The following TVP23C variants were observed in gnomAD, a reference collection of about 807,000 sequenced individuals.
TVP23C encodes the protein trans-golgi network vesicle protein 23 homolog C.
Under a neutral mutation model 28.7 loss-of-function variants are expected in TVP23C, and 19 were observed. That is an observed-to-expected ratio of 0.66 (90% CI 0.46 to 0.97). The LOEUF (loss-of-function observed/expected upper bound fraction) is 0.97, where lower values mean the gene tolerates loss of function less well. Among genes scored for constraint, TVP23C ranks in the 50% least tolerant of loss-of-function variants. The pLI is 0.00. For missense variants in TVP23C, 186 were observed against 241.3 expected (o/e 0.77, Z 1.52); for synonymous variants, 68 against 81.7 (o/e 0.83, Z 0.90).
rs538776285 is a variant in TVP23C at position 15,538,883 on chromosome 17, C to T, written c.*1529G>A. ...GGTATATTGGAGCCATGCAAAAATC[C>T]TTCAGAATGAGATGATCATGTCCCT... is the stretch of plus-strand genomic sequence containing the variant. On this transcript the variant is annotated 3_prime_UTR_variant, in exon 6 of 6. Coordinates refer to ENST00000518321, the MANE Select transcript of TVP23C (RefSeq NM_001135036.2). 1.1e-4 allele frequency: 104 copies of T among 985,788 alleles called. No individual in the cohort carries two copies. The African/African-American group carries it at 1.6e-3, about 15-fold the overall frequency. 61.1% of individuals were successfully genotyped at this position (985,788 alleles called of 1,614,324 possible). A position where few individuals can be genotyped will look rare whatever the true frequency, so the allele number is the denominator to read the frequency against.
chr17:15,542,985 A>G (rs1308195273), intron 5 of TVP23C, among the ~76,000 whole-genome samples: 2 of 152,204 alleles, frequency 1.3e-5, no homozygotes, highest in Non-Finnish European at 2.9e-5. Context: ...AAGTAGAAAC[A>G]CTGCTAGAAA....
chr17:15,518,254 A>G (rs1377500186), intron 5 of TVP23C, among the ~76,000 whole-genome samples: 1 of 151,956 alleles, frequency 6.6e-6, no homozygotes, highest in East Asian at 1.9e-4. Context: ...AAGCCAATAC[A>G]GCATCAAGAT....
intron 1 of TVP23C, among the ~76,000 whole-genome samples, chr17:15,558,758 C>A (rs1363510803): frequency 6.7e-6 from 1 of 148,928 alleles, no homozygotes; most frequent in Non-Finnish European, 1.5e-5. Context: ...CCCCTTGAGC[C>A]TCATTCTGGA....
At chr17:15,557,797 G>A (rs1984201929) in intron 1 of TVP23C, among the ~76,000 whole-genome samples, 1 of 141,046 alleles carries the variant, frequency 7.1e-6, no homozygotes, top group Non-Finnish European at 1.6e-5. Flanking sequence ...CACTGGAGAA[G>A]CTTTCTGGAG....
At chr17:15,559,168 C>T (rs919860436) in intron 1 of TVP23C, among the ~76,000 whole-genome samples, 52 of 147,820 alleles carry the variant, frequency 3.5e-4, no homozygotes, top group African/African-American at 1.1e-3. Flanking sequence ...ACTTGGGCCC[C>T]GTCAGGTTCT....
At chr17:15,536,973 T>C (rs1318935918), downstream of TVP23C, 1 of 295,714 alleles carries the variant, frequency 3.4e-6, no homozygotes, top group Non-Finnish European at 5.0e-6. Flanking sequence ...AGATTACACA[T>C]GTCAAATGCC....
chr17:15,522,814 G>C (rs1219215729), intron 5 of TVP23C, among the ~76,000 whole-genome samples: 2 of 150,888 alleles, frequency 1.3e-5, no homozygotes, highest in African/African-American at 2.4e-5. Context: ...AGGCCAAGGT[G>C]GGCAGATCAC....
At position 15,540,026 on chromosome 17, in the gene TVP23C, G is replaced by A. The variant is rs1394633408; in HGVS notation, c.*386C>T. On this transcript the variant is annotated 3_prime_UTR_variant, in exon 6 of 6. Transcript: ENST00000518321. ...GAGAATCACATGAACCCGGGGGGCA[G>A]AGGTTGCAGTGAGCCGAGATTGCAC... is the stretch of plus-strand genomic sequence containing the variant. The A allele has an allele frequency of 2.0e-5, 18 of 885,362 alleles. No individual in the cohort carries two copies. The highest frequency in any genetic ancestry group is 2.8e-6 in the Non-Finnish European group (2 of 720,590). The allele number at this position is 885,362 out of a possible 1,614,324, so 54.8% of individuals were successfully genotyped here.
In TVP23C at chr17:15,538,885, T is replaced by C. The variant is rs184049041; in HGVS notation, c.*1527A>G. 4.6e-4 allele frequency: 449 copies of C among 985,832 alleles called. No individual in the cohort carries two copies. In the African/African-American group the frequency reaches 4.8e-3, roughly 10 times the overall value. The allele number at this position is 985,832 out of a possible 1,614,324, so 61.1% of individuals were successfully genotyped here. A position where few individuals can be genotyped will look rare whatever the true frequency, so the allele number is the denominator to read the frequency against. On this transcript the variant is annotated 3_prime_UTR_variant, in exon 6 of 6. Transcript: ENST00000518321. ...TATATTGGAGCCATGCAAAAATCCT[T>C]CAGAATGAGATGATCATGTCCCTAC... is the stretch of plus-strand genomic sequence containing the variant.
At chr17:15,515,798 T>C (rs1257430481) in intron 5 of TVP23C, among the ~76,000 whole-genome samples, 1 of 152,070 alleles carries the variant, frequency 6.6e-6, no homozygotes, top group African/African-American at 2.4e-5. Context: ...ATGGGCACAG[T>C]GATGGAGTTT....
downstream of TVP23C, among the ~76,000 whole-genome samples, chr17:15,534,675 T>C (rs1239407827): frequency 1.3e-5 from 2 of 151,552 alleles, no homozygotes; most frequent in Non-Finnish European, 2.9e-5. Context: ...AATTAGAATG[T>C]GATTTTACTA....
intron 4 of TVP23C, among the ~76,000 whole-genome samples, chr17:15,546,548 C>T (rs1983654987): frequency 6.6e-6 from 1 of 150,958 alleles, no homozygotes; most frequent in African/African-American, 2.4e-5. Context: ...AGTGAATATT[C>T]ACTATAGTGT....
At chr17:15,549,373 C>T (rs553484420) in intron 3 of TVP23C, among the ~76,000 whole-genome samples, 1 of 152,286 alleles carries the variant, frequency 6.6e-6, no homozygotes, top group South Asian at 2.1e-4. Flanking sequence ...CGAAAGGGAA[C>T]ACTCAAAGAA....
intron 5 of TVP23C, among the ~76,000 whole-genome samples, chr17:15,542,476 T>TTTTA (rs1371023665): frequency 1.3e-5 from 2 of 152,036 alleles, no homozygotes; most frequent in Non-Finnish European, 2.9e-5. Flanking sequence ...ATTTATTTAT[T>TTTTA]TTTATTTATT....
intron 5 of TVP23C, among the ~76,000 whole-genome samples, chr17:15,544,835 G>GA (rs1983573193): frequency 6.6e-6 from 1 of 151,534 alleles, no homozygotes; most frequent in Non-Finnish European, 1.5e-5. Context: ...CACACACAAA[G>GA]AAAAAAAGAA....
At chr17:15,546,581 C>G (rs143003089) in intron 4 of TVP23C, among the ~76,000 whole-genome samples, 20,519 of 149,010 alleles carry the variant, frequency 0.14, 2,458 homozygotes, top group African/African-American at 0.32. Context: ...CAAAACAGAC[C>G]AGGATCCCCA....
chr17:15,533,893 T>A (rs1215657162), downstream of TVP23C, among the ~76,000 whole-genome samples: 17 of 152,208 alleles, frequency 1.1e-4, no homozygotes, highest in Non-Finnish European at 1.0e-4. Flanking sequence ...ATGGAGCAAA[T>A]ATCACACATG....
At chr17:15,515,660 G>GCC (rs928206756) in intron 5 of TVP23C, among the ~76,000 whole-genome samples, 1 of 152,174 alleles carries the variant, frequency 6.6e-6, no homozygotes, top group South Asian at 2.1e-4. Flanking sequence ...ACAAGTCTCT[G>GCC]AACACCACAG....
rs900009116 is a variant in TVP23C, at chr17:15,538,690, C to T, written c.*1722G>A. 14 of 985,280 alleles carry T rather than the reference C, an allele frequency of 1.4e-5. No individual in the cohort carries two copies. The highest frequency in any genetic ancestry group is 1.0e-3 in the Middle Eastern group (2 of 1,936). 61.0% of individuals were successfully genotyped at this position (985,280 alleles called of 1,614,324 possible). On this transcript the variant is annotated 3_prime_UTR_variant, in exon 6 of 6. Transcript: ENST00000518321. Reference sequence around the variant, plus strand: ...GTCCAGTTTGTCTCATTTGAGCAGACGCCGGATACCATGTAAGACACTAAC... The same window carrying T: ...GTCCAGTTTGTCTCATTTGAGCAGATGCCGGATACCATGTAAGACACTAAC...
Sources: allele counts gnomAD v4.1 joint callset (sites outside exome capture counted in the v4.1 genomes callset), GRCh38; gene constraint gnomAD v4.1.1; transcripts MANE v1.5; gene names NCBI Gene and HGNC (gene_info 2026-07-23, HGNC 2026-07-21).